Variants in TAPT1 observed in about 807,000 individuals in gnomAD.
TAPT1 encodes transmembrane anterior posterior transformation 1.
Under a neutral mutation model 65.6 loss-of-function variants are expected in TAPT1, and 28 were observed. The ratio of observed to expected loss-of-function variants is 0.43; its 90% CI spans 0.32 to 0.59. The LOEUF (loss-of-function observed/expected upper bound fraction) is 0.59, where lower values mean the gene tolerates loss of function less well. Among genes scored for constraint, TAPT1 ranks in the 20% least tolerant of loss-of-function variants. The pLI, the probability that TAPT1 is intolerant of heterozygous loss-of-function variation, is 0.09. For missense variants in TAPT1, 563 were observed against 679.9 expected, an observed-to-expected ratio of 0.83 and a Z score of 1.91; for synonymous variants, 278 against 245.2, an observed-to-expected ratio of 1.13 and a Z score of -1.25.
intron 1 of TAPT1, among the ~76,000 whole-genome samples, chr4:16,216,659 G>C (rs1033596900): frequency 1.3e-5 from 2 of 152,064 alleles, no homozygotes; most frequent in Non-Finnish European, 2.9e-5. Context: ...TTCTTACCAA[G>C]GTCTACCAAT....
intron 11 of TAPT1, among the ~76,000 whole-genome samples, chr4:16,173,527 T>G (rs1034988565): frequency 6.6e-6 from 1 of 152,128 alleles, no homozygotes; most frequent in Non-Finnish European, 1.5e-5. Context: ...CACGCCATTC[T>G]CCTGCCTCAG....
intron 3 of TAPT1, among the ~76,000 whole-genome samples, chr4:16,200,457 T>C (rs1749963136): frequency 6.6e-6 from 1 of 152,178 alleles, no homozygotes; most frequent in African/African-American, 2.4e-5. Flanking sequence ...CTGGTGTAGC[T>C]GGGACCACAG....
intron 2 of TAPT1, among the ~76,000 whole-genome samples, chr4:16,205,383 G>GC (rs776973155): frequency 1.2e-4 from 19 of 152,140 alleles, no homozygotes; most frequent in African/African-American, 2.4e-4. Context: ...GAGTAAAGAG[G>GC]CTTAGTCTCA....
At chr4:16,176,070 A>G in intron 9 of TAPT1, 49 bp downstream of exon 9, 1 of 885,282 alleles carries the variant, frequency 1.1e-6, no homozygotes, top group Non-Finnish European at 1.7e-6. Flanking sequence ...TTAAAAATTA[A>G]GCAACAGAAG....
intron 7 of TAPT1, among the ~76,000 whole-genome samples, chr4:16,186,095 C>A (rs1255071896): frequency 1.3e-5 from 2 of 152,170 alleles, no homozygotes; most frequent in African/African-American, 4.8e-5. Context: ...TGCCTTCACA[C>A]TTTTTAGGAT....
At chr4:16,166,873 G>A in intron 12 of TAPT1, 80 bp from the exon 13 acceptor site, 2 of 1,411,084 alleles carry the variant, frequency 1.4e-6, no homozygotes, top group South Asian at 1.2e-5. Context: ...CCATGGCTAA[G>A]GAGAAGGTGG....
intron 2 of TAPT1, among the ~76,000 whole-genome samples, chr4:16,210,224 C>A (rs534366218): frequency 6.6e-6 from 1 of 152,302 alleles, no homozygotes; most frequent in East Asian, 1.9e-4. Flanking sequence ...TGGTCAGCAA[C>A]CCAAGAGGGC....
chr4:16,184,454 A>G (rs1215307535), intron 7 of TAPT1, among the ~76,000 whole-genome samples: 4 of 152,206 alleles, frequency 2.6e-5, no homozygotes, highest in African/African-American at 9.6e-5. Flanking sequence ...GGCTAGTATG[A>G]ACAAAGCTGC....
At chr4:16,215,302 A>G (rs1750872956) in intron 1 of TAPT1, among the ~76,000 whole-genome samples, 1 of 152,000 alleles carries the variant, frequency 6.6e-6, no homozygotes, top group African/African-American at 2.4e-5. Flanking sequence ...AAACAACAAC[A>G]ACAAAATATA....
At chr4:16,186,213 G>C (rs888266866) in intron 7 of TAPT1, among the ~76,000 whole-genome samples, 32 of 152,202 alleles carry the variant, frequency 2.1e-4, no homozygotes, top group African/African-American at 7.7e-4. Context: ...TGTGACTGTG[G>C]AGAAGTCAAA....
Position 16,202,478 on chromosome 4 carries a change from G to T in TAPT1, c.433C>A (p.Pro145Thr), listed in dbSNP as rs202111552. The T allele has an allele frequency of 5.2e-5, 80 of 1,546,830 alleles. No homozygotes were observed. Among genetic ancestry groups the T allele is most frequent in the Non-Finnish European group, 6.6e-5 (75 of 1,143,196 alleles). Residue 145 changes from proline to threonine, a missense_variant, in exon 3 of 14, where the codon CCT becomes ACT. By Grantham distance (38) the Pro-to-Thr change is conservative (BLOSUM62 -1). Transcript: ENST00000405303. Reference protein sequence around the residue: ...FLALFRLLTLPCYGLRDRRLL... With the variant: ...FLALFRLLTLTCYGLRDRRLL... Reference sequence around the variant, plus strand: ...TAAACTTACCTTAAGCCATAGCAAGGCAAAGTGAGGAGCCTGAATAGTGCC... The same window carrying T: ...TAAACTTACCTTAAGCCATAGCAAGTCAAAGTGAGGAGCCTGAATAGTGCC...
intron 2 of TAPT1, among the ~76,000 whole-genome samples, chr4:16,206,131 C>G (rs754585800): frequency 6.6e-6 from 1 of 152,090 alleles, no homozygotes; most frequent in East Asian, 1.9e-4. Flanking sequence ...TTTAATCATC[C>G]GAATTAAAAA....
intron 13 of TAPT1, 143 bp downstream of exon 13, chr4:16,166,490 T>G: frequency 1.0e-6 from 1 of 973,092 alleles, no homozygotes; most frequent in Non-Finnish European, 1.5e-6. Context: ...ATATATGGGA[T>G]GAAATCTAAA....
At chr4:16,163,734 C>T (rs1747402074) in intron 13 of TAPT1, among the ~76,000 whole-genome samples, 197 bp from the exon 14 acceptor site, 1 of 152,192 alleles carries the variant, frequency 6.6e-6, no homozygotes, top group Non-Finnish European at 1.5e-5. Flanking sequence ...TCTGTTTGTT[C>T]AACTTTATGG....
chr4:16,191,078 C>T (rs1282745057), intron 4 of TAPT1: 5 of 291,568 alleles, frequency 1.7e-5, no homozygotes, highest in Non-Finnish European at 2.6e-5. Flanking sequence ...TCCCAGCCTA[C>T]ATGAGGACAT....
At chr4:16,219,098 C>G (rs1375245074) in intron 1 of TAPT1, among the ~76,000 whole-genome samples, 4 of 152,128 alleles carry the variant, frequency 2.6e-5, no homozygotes, top group Admixed American at 2.6e-4. Flanking sequence ...GAAACAGGTT[C>G]TACTGTTATG....
chr4:16,226,352 C>A lies in TAPT1; in HGVS notation c.106G>T (p.Gly36Cys), dbSNP rs1401162402. Residue 36 changes from glycine (G) to cysteine (C), a missense_variant, in exon 1 of 14, where the codon GGC becomes TGC. By Grantham distance (159) the Gly-to-Cys change is radical. This residue lies in a region of TAPT1 where 103 missense variants were observed against 89.4 expected (regional missense o/e 1.15). Transcript: ENST00000405303. The part of the protein sequence containing the change: ...RGEAEQPGGS[G>C]GQGPPPAPQL... ...GGCGCCGGCGGGGGCCCCTGTCCGCCGCTGCCGCCCGGCTGCTCCGCCTCG... is the reference window on the plus strand; with the variant it reads ...GGCGCCGGCGGGGGCCCCTGTCCGCAGCTGCCGCCCGGCTGCTCCGCCTCG... 8.1e-6 allele frequency: 9 copies of A among 1,114,076 alleles called. No individual in the cohort carries two copies. Among genetic ancestry groups the A allele is most frequent in the Non-Finnish European group, 9.9e-6 (9 of 913,288 alleles). 69.0% of individuals were successfully genotyped at this position (1,114,076 alleles called of 1,614,324 possible). A position where few individuals can be genotyped will look rare whatever the true frequency, so the allele number is the denominator to read the frequency against.
chr4:16,186,320 G>A (rs959909623), intron 7 of TAPT1, among the ~76,000 whole-genome samples: 39 of 152,278 alleles, frequency 2.6e-4, no homozygotes, highest in African/African-American at 8.4e-4. Flanking sequence ...TCAAAGTAGC[G>A]TATGGTGCTA....
chr4:16,178,225 G>T (rs1362780970), intron 8 of TAPT1, among the ~76,000 whole-genome samples: 2 of 152,106 alleles, frequency 1.3e-5, no homozygotes, highest in Non-Finnish European at 2.9e-5. Flanking sequence ...TGGAGGAAGA[G>T]GCTTTTCCAC....
Sources: gnomAD v4.1 joint callset for allele counts (sites outside exome capture counted in the v4.1 genomes callset) on GRCh38, gnomAD v4.1.1 for gene constraint, gnomAD v4.1.1 regional missense constraint, MANE v1.5 for transcripts, NCBI Gene and HGNC (gene_info 2026-07-23, HGNC 2026-07-21) for gene names.